Variants in KAZN observed in about 807,000 individuals in gnomAD.
The protein encoded by KAZN is kazrin.
Under a neutral mutation model 87.4 loss-of-function variants are expected in KAZN, and 40 were observed. That is an observed-to-expected ratio of 0.46 (90% CI 0.36 to 0.60). The LOEUF (loss-of-function observed/expected upper bound fraction) is 0.60. Ranked by LOEUF, KAZN falls within the 20% of genes least tolerant of loss-of-function variation. KAZN has a pLI of 0.00. For missense variants in KAZN, 898 were observed against 1,073.9 expected (o/e 0.84, Z 2.29); for synonymous variants, 466 against 458.3 (o/e 1.02, Z -0.22).
At chr1:14,629,735 C>G (rs1270036423) in intron 1 of KAZN, among the ~76,000 whole-genome samples, 2 of 152,270 alleles carry the variant, frequency 1.3e-5, no homozygotes. Context: ...GCATGCCCAC[C>G]TCTGAGTCAG....
intron 2 of KAZN, among the ~76,000 whole-genome samples, chr1:14,535,017 C>T (rs993434444): frequency 5.3e-5 from 8 of 152,136 alleles, no homozygotes; most frequent in Admixed American, 1.3e-4. Flanking sequence ...TTGGGGCCTA[C>T]CTCTTCTGAT....
chr1:14,256,599 A>C (rs1650533267), intron 2 of KAZN, among the ~76,000 whole-genome samples: 1 of 151,968 alleles, frequency 6.6e-6, no homozygotes, highest in South Asian at 2.1e-4. Context: ...TGGCAGAGGA[A>C]ATTGCATTGG....
chr1:14,163,623 A>T (rs1645758689), intron 1 of KAZN, among the ~76,000 whole-genome samples: 1 of 152,148 alleles, frequency 6.6e-6, no homozygotes, highest in South Asian at 2.1e-4. Context: ...TTTTCTATGT[A>T]TTGGGAGACT....
intron 1 of KAZN, among the ~76,000 whole-genome samples, chr1:14,754,988 T>A (rs1387231815): frequency 6.7e-6 from 1 of 149,354 alleles, no homozygotes; most frequent in East Asian, 2.0e-4. Context: ...ACATCTATAA[T>A]CCCAGCACTG....
At chr1:14,473,586 A>T (rs1258072768) in intron 2 of KAZN, among the ~76,000 whole-genome samples, 1 of 151,200 alleles carries the variant, frequency 6.6e-6, no homozygotes. Flanking sequence ...AGATCGTGCC[A>T]CAAGATCGCG....
At chr1:15,076,031 T>C (rs1490797363) in intron 8 of KAZN, among the ~76,000 whole-genome samples, 1 of 152,224 alleles carries the variant, frequency 6.6e-6, no homozygotes, top group African/African-American at 2.4e-5. Flanking sequence ...GCCAGCTTCC[T>C]TCCTTATTAG....
intron 2 of KAZN, among the ~76,000 whole-genome samples, chr1:14,417,139 C>A (rs1181477179): frequency 6.0e-5 from 9 of 150,596 alleles, no homozygotes; most frequent in African/African-American, 9.8e-5. Context: ...TTGCAGTGAC[C>A]CAAGATTGCA....
intron 8 of KAZN, among the ~76,000 whole-genome samples, chr1:15,069,959 G>A (rs566274114): frequency 6.6e-6 from 1 of 152,288 alleles, no homozygotes; most frequent in East Asian, 1.9e-4. Context: ...CACAGGCCAG[G>A]GTCCATGCTA....
intron 4 of KAZN, among the ~76,000 whole-genome samples, chr1:15,048,145 C>T (rs538812414): frequency 6.6e-6 from 1 of 152,238 alleles, no homozygotes; most frequent in Admixed American, 6.5e-5. Context: ...TCGTCCCTCC[C>T]CCCATGTCCT....
In KAZN at chr1:14,550,703, T is replaced by TTCTCTCTCTCTCTC. The variant is rs150591627; in HGVS notation, c.250-48257_250-48244dup. ...CTAAGTTCCCTGCCTCTCTCCTCTTTTCTCTCTCTCTCTCTCTCTCTCTCT... is the reference window on the plus strand; with the variant it reads ...CTAAGTTCCCTGCCTCTCTCCTCTTTTCTCTCTCTCTCTCTCTCTCTCTCTCTCTCTCTCTCTCT... On this transcript the variant is annotated intron_variant, in intron 2 of 16. Coordinates refer to the KAZN transcript ENST00000636203. Among the ~76,000 whole-genome samples the TTCTCTCTCTCTCTC allele has an allele frequency of 2.3e-4, 9 of 38,638 alleles. 1 individual carries two copies. Among genetic ancestry groups the TTCTCTCTCTCTCTC allele is most frequent in the East Asian group, 1.1e-3 (1 of 882 alleles). The allele number at this position is 38,638 out of a possible 152,430, so 25.3% of individuals were successfully genotyped here.
chr1:14,706,389 C>T (rs1642211034), intron 1 of KAZN, among the ~76,000 whole-genome samples: 1 of 151,962 alleles, frequency 6.6e-6, no homozygotes, highest in South Asian at 2.1e-4. Context: ...GTGCCAAAAA[C>T]GTTGGGGACC....
At chr1:15,061,650 G>C (rs1306068733) in intron 6 of KAZN, 1 of 152,168 alleles carries the variant, frequency 6.6e-6, no homozygotes, top group Non-Finnish European at 1.5e-5. Flanking sequence ...CTCCCGAGCA[G>C]CTGGCATTAC....
intron 1 of KAZN, among the ~76,000 whole-genome samples, chr1:14,615,285 C>G (rs1319536347): frequency 1.3e-5 from 2 of 152,158 alleles, no homozygotes; most frequent in Non-Finnish European, 2.9e-5. Flanking sequence ...TTGTGGGATC[C>G]AGAGACCTGG....
intron 1 of KAZN, among the ~76,000 whole-genome samples, chr1:14,109,813 C>CTTTTTTTTTTTTGAGATG (rs1289460974): frequency 8.0e-6 from 1 of 125,388 alleles, no homozygotes; most frequent in African/African-American, 3.1e-5. Flanking sequence ...CTTATCAAAA[C>CTTTTTTTTTTTTGAGATG]GATTTCAGCG....
At chr1:14,124,614 T>C (rs1197886016) in intron 1 of KAZN, among the ~76,000 whole-genome samples, 2 of 152,256 alleles carry the variant, frequency 1.3e-5, no homozygotes, top group Non-Finnish European at 2.9e-5. Flanking sequence ...TTCTTATTTA[T>C]TGCTTAAGCT....
At chr1:15,041,114 C>A (rs978873832) in intron 3 of KAZN, among the ~76,000 whole-genome samples, 1 of 131,316 alleles carries the variant, frequency 7.6e-6, no homozygotes. Context: ...CCACACCTGG[C>A]GAATTTTTGT....
At chr1:14,242,749 GC>G (rs1283954338) in intron 2 of KAZN, among the ~76,000 whole-genome samples, 2 of 152,166 alleles carry the variant, frequency 1.3e-5, no homozygotes, top group Non-Finnish European at 2.9e-5. Context: ...ATTTTCCCCA[GC>G]CCCTGCTGTC....
intron 1 of KAZN, among the ~76,000 whole-genome samples, chr1:14,939,654 G>C (rs1030514250): frequency 1.3e-5 from 2 of 151,756 alleles, no homozygotes; most frequent in Admixed American, 1.3e-4. Context: ...ATAGGGTGGA[G>C]TGTGTGTACT....
chr1:14,467,630 T>TA (rs897161207), intron 2 of KAZN, among the ~76,000 whole-genome samples: 35 of 25,876 alleles, frequency 1.4e-3, no homozygotes, highest in African/African-American at 4.5e-3. Context: ...AAAGCATTAA[T>TA]AAAAAGATGG....
Sources: gnomAD v4.1 joint callset for allele counts (sites outside exome capture counted in the v4.1 genomes callset) on GRCh38, gnomAD v4.1.1 for gene constraint, MANE v1.5 for transcripts, NCBI Gene and HGNC (gene_info 2026-07-23, HGNC 2026-07-21) for gene names.